The following ASIC2 variants were observed in gnomAD, a reference collection of about 807,000 sequenced individuals.
ASIC2 encodes the protein acid-sensing ion channel 2.
A neutral mutation model predicts 57.3 loss-of-function variants in ASIC2; 25 were observed. That is an observed-to-expected ratio of 0.44 (90% CI 0.32 to 0.61). The LOEUF is 0.61. Ranked by LOEUF, ASIC2 falls within the 20% of genes least tolerant of loss-of-function variation. The probability of loss-of-function intolerance (pLI) is 0.06; values close to 1 mark genes in which losing one functional copy is unlikely to be tolerated. For missense variants in ASIC2, 641 were observed against 738.1 expected (o/e 0.87, Z 1.52); for synonymous variants, 319 against 307.5 (o/e 1.04, Z -0.39).
intron 1 of ASIC2, among the ~76,000 whole-genome samples, chr17:33,839,851 C>A (rs1913382045): frequency 6.6e-6 from 1 of 152,214 alleles, no homozygotes; most frequent in South Asian, 2.1e-4. Flanking sequence ...TTTCAGCACA[C>A]CAGAGCCAGC....
chr17:33,263,874 A>G (rs1271104305), intron 1 of ASIC2, among the ~76,000 whole-genome samples: 1 of 152,162 alleles, frequency 6.6e-6, no homozygotes. Flanking sequence ...GAGCCTCGTG[A>G]GTCTCACATG....
At chr17:33,442,577 T>C (rs1911862285) in intron 1 of ASIC2, among the ~76,000 whole-genome samples, 1 of 152,218 alleles carries the variant, frequency 6.6e-6, no homozygotes, top group Non-Finnish European at 1.5e-5. Flanking sequence ...ATTGCTAGCA[T>C]ATAGACATAC....
In ASIC2 at chr17:33,959,746, G is replaced by A. The variant is rs377676532; in HGVS notation, c.555+196232C>T. 2.4e-4 allele frequency among the ~76,000 whole-genome samples: 37 copies of A among 152,342 alleles called. No individual in the cohort carries two copies. In the East Asian group the frequency reaches 5.0e-3, roughly 21 times the overall value. ...CTAGATGGCGCCCACTCAGATTGAAGGTTGGTCTGCCTCTCCCAGTCCACT... is the reference window on the plus strand; with the variant it reads ...CTAGATGGCGCCCACTCAGATTGAAAGTTGGTCTGCCTCTCCCAGTCCACT... On this transcript the variant is annotated intron_variant, in intron 1 of 9. Transcript: ENST00000359872.
chr17:33,579,599 G>A lies in ASIC2; in HGVS notation c.556-467532C>T, dbSNP rs539813598. Among the ~76,000 whole-genome samples the A allele has an allele frequency of 5.3e-5, 8 of 152,272 alleles. No homozygotes were observed. In the South Asian group the frequency reaches 1.5e-3, roughly 28 times the overall value. On this transcript the variant is annotated intron_variant, in intron 1 of 9. Transcript: ENST00000359872. ...GTGTTACAGCTCTTAAAGATGGTGTGTCGGGAGTTTGTTCCTTCAGGTGTT... is the reference window on the plus strand; with the variant it reads ...GTGTTACAGCTCTTAAAGATGGTGTATCGGGAGTTTGTTCCTTCAGGTGTT...
chr17:34,022,123 G>A (rs1907186761), intron 1 of ASIC2, among the ~76,000 whole-genome samples: 1 of 152,076 alleles, frequency 6.6e-6, no homozygotes, highest in Admixed American at 6.5e-5. Flanking sequence ...ATTTTTAAAA[G>A]TACTCCAGGT....
chr17:33,366,860 CTT>C (rs1908828193), intron 1 of ASIC2, among the ~76,000 whole-genome samples: 1 of 152,130 alleles, frequency 6.6e-6, no homozygotes, highest in Non-Finnish European at 1.5e-5. Context: ...GGCTTTAAGT[CTT>C]TGAGAACTTT....
intron 3 of ASIC2, among the ~76,000 whole-genome samples, chr17:33,062,490 C>G (rs2092025062): frequency 6.6e-6 from 1 of 152,164 alleles, no homozygotes; most frequent in Admixed American, 6.5e-5. Context: ...GTTTCTTAAT[C>G]CTGAGTTCTA....
At chr17:33,475,528 T>C (rs1913191657) in intron 1 of ASIC2, among the ~76,000 whole-genome samples, 1 of 152,232 alleles carries the variant, frequency 6.6e-6, no homozygotes, top group Admixed American at 6.5e-5. Context: ...TTTTGTTGTT[T>C]TGGCTTTGTT....
At chr17:34,150,443 TTAAA>T (rs564028140) in intron 1 of ASIC2, among the ~76,000 whole-genome samples, 84 of 152,296 alleles carry the variant, frequency 5.5e-4, no homozygotes, top group African/African-American at 1.9e-3. Flanking sequence ...AATACATATG[TTAAA>T]TAGTTTGATT....
chr17:33,224,821 A>G (rs1907821345), intron 1 of ASIC2, among the ~76,000 whole-genome samples: 1 of 152,168 alleles, frequency 6.6e-6, no homozygotes, highest in South Asian at 2.1e-4. Flanking sequence ...GTTGCCCTAT[A>G]CCCACTGGCC....
At chr17:33,248,305 C>T (rs538262472) in intron 1 of ASIC2, among the ~76,000 whole-genome samples, 25 of 152,190 alleles carry the variant, frequency 1.6e-4, no homozygotes, top group South Asian at 4.2e-4. Flanking sequence ...TGGCTGAGTA[C>T]GTGATAGTGA....
chr17:33,047,615 C>T (rs1296126002), intron 3 of ASIC2, among the ~76,000 whole-genome samples: 1 of 152,182 alleles, frequency 6.6e-6, no homozygotes, highest in Non-Finnish European at 1.5e-5. Flanking sequence ...GCTGGGATTA[C>T]AGGCATGAGC....
At chr17:33,379,502 G>A (rs1909401445) in intron 1 of ASIC2, among the ~76,000 whole-genome samples, 1 of 152,206 alleles carries the variant, frequency 6.6e-6, no homozygotes, top group Non-Finnish European at 1.5e-5. Flanking sequence ...TTAAGGGGGT[G>A]AGGATTCCCG....
At chr17:33,943,777 T>C (rs752729202) in intron 1 of ASIC2, among the ~76,000 whole-genome samples, 4 of 151,920 alleles carry the variant, frequency 2.6e-5, no homozygotes, top group Non-Finnish European at 5.9e-5. Context: ...GGCCTTGTGC[T>C]AAATACATCA....
At chr17:33,612,775 C>T (rs1434592) in intron 1 of ASIC2, among the ~76,000 whole-genome samples, 8 of 152,238 alleles carry the variant, frequency 5.3e-5, no homozygotes, top group South Asian at 4.2e-4. Flanking sequence ...ACCATATGGA[C>T]GAGAGGAGCA....
At chr17:33,197,385 A>G (rs1906677381) in intron 1 of ASIC2, among the ~76,000 whole-genome samples, 1 of 152,222 alleles carries the variant, frequency 6.6e-6, no homozygotes, top group African/African-American at 2.4e-5. Flanking sequence ...TGGGCCCCAC[A>G]CTTTCCAGGG....
chr17:33,830,719 C>A (rs1320690893), intron 1 of ASIC2, among the ~76,000 whole-genome samples: 1 of 152,000 alleles, frequency 6.6e-6, no homozygotes, highest in Admixed American at 6.6e-5. Flanking sequence ...CCCCTTGCCC[C>A]CTACCCTCCG....
chr17:33,098,745 TTTTTTC>T (rs1597576733), intron 2 of ASIC2, among the ~76,000 whole-genome samples: 1 of 152,272 alleles, frequency 6.6e-6, no homozygotes, highest in East Asian at 1.9e-4. Flanking sequence ...CAAAGCAATC[TTTTTTC>T]TTTTTCATTT....
At chr17:33,387,288 T>C (rs1909720823) in intron 1 of ASIC2, among the ~76,000 whole-genome samples, 1 of 152,186 alleles carries the variant, frequency 6.6e-6, no homozygotes, top group African/African-American at 2.4e-5. Flanking sequence ...TCAGAAAGAT[T>C]AAGGAACTCA....
Sources: gnomAD v4.1 joint callset for allele counts (sites outside exome capture counted in the v4.1 genomes callset) on GRCh38, gnomAD v4.1.1 for gene constraint, MANE v1.5 for transcripts, NCBI Gene and HGNC (gene_info 2026-07-23, HGNC 2026-07-21) for gene names.